SUMF1: variants seen among roughly 807,000 people sequenced by gnomAD.
SUMF1 encodes formylglycine-generating enzyme.
In SUMF1, 48 loss-of-function variants were observed where a neutral mutation model predicts 47.6. The ratio of observed to expected loss-of-function variants is 1.01; its 90% CI spans 0.80 to 1.28. The LOEUF (loss-of-function observed/expected upper bound fraction) is 1.28. Ranked by LOEUF, SUMF1 falls within the 50% of genes most tolerant of loss-of-function variation. The pLI is 0.00. For missense variants in SUMF1, 571 were observed against 485.4 expected (o/e 1.18, Z -1.66); for synonymous variants, 230 against 192.1 (o/e 1.20, Z -1.63).
At chr3:4,457,934 C>A (rs920517321) in intron 1 of SUMF1, among the ~76,000 whole-genome samples, 3 of 152,122 alleles carry the variant, frequency 2.0e-5, no homozygotes, top group Non-Finnish European at 4.4e-5. Context: ...GCAAAGGAAA[C>A]AACAGAGTGA....
intron 8 of SUMF1, among the ~76,000 whole-genome samples, chr3:4,183,272 C>CA (rs1284921535): frequency 5.3e-5 from 8 of 151,998 alleles, no homozygotes; most frequent in Non-Finnish European, 8.8e-5. Context: ...TAAAGTAAAA[C>CA]AAAAAATAGT....
intron 8 of SUMF1, among the ~76,000 whole-genome samples, chr3:4,127,750 C>T (rs529044885): frequency 6.6e-6 from 1 of 152,056 alleles, no homozygotes; most frequent in Non-Finnish European, 1.5e-5. Context: ...GACTTTGGTA[C>T]CAGGAGTATT....
intron 8 of SUMF1, among the ~76,000 whole-genome samples, chr3:4,327,027 A>C (rs1698960335): frequency 6.6e-6 from 1 of 152,234 alleles, no homozygotes; most frequent in Non-Finnish European, 1.5e-5. Flanking sequence ...AATAGTTTCT[A>C]AATTCTGGAG....
rs547751893 is a variant in SUMF1 at position 4,324,111 on chromosome 3, A to T, written c.1014+52219T>A. Among the ~76,000 whole-genome samples, 26 of 152,288 alleles carry T rather than the reference A, an allele frequency of 1.7e-4. No homozygotes were observed. The South Asian group carries it at 5.4e-3, about 32-fold the overall frequency. On this transcript the variant is annotated intron_variant and NMD_transcript_variant, in intron 8 of 12. Transcript: ENST00000448413. ...AAGATTTTTTGTTTTCTGCAATAATAATTTACCAAATGTGGCCCCATTAGA... is the reference window on the plus strand; with the variant it reads ...AAGATTTTTTGTTTTCTGCAATAATTATTTACCAAATGTGGCCCCATTAGA...
Position 4,347,426 on chromosome 3 carries a change from C to CA in SUMF1, c.1014+28903dup, listed in dbSNP as rs370143306. Reference sequence around the variant, plus strand: ...TCCATTACATAAACAGAACCAATGACAAAACCACATGATTATCTCAATAGA... The same window carrying CA: ...TCCATTACATAAACAGAACCAATGACAAAAACCACATGATTATCTCAATAGA... On this transcript the variant is annotated intron_variant and NMD_transcript_variant, in intron 8 of 12. Transcript: ENST00000448413. 4.8e-3 allele frequency among the ~76,000 whole-genome samples: 733 copies of CA among 152,194 alleles called. 7 individuals are homozygous for CA. Among genetic ancestry groups the CA allele is most frequent in the African/African-American group, 0.017 (707 of 41,522 alleles).
intron 3 of SUMF1, among the ~76,000 whole-genome samples, chr3:4,437,667 G>A (rs1702445085): frequency 6.6e-6 from 1 of 152,140 alleles, no homozygotes; most frequent in African/African-American, 2.4e-5. Context: ...GGCTGGGCAC[G>A]GTGGCTCACA....
chr3:4,122,932 A>G (rs1268123020), intron 8 of SUMF1, among the ~76,000 whole-genome samples: 2 of 152,174 alleles, frequency 1.3e-5, no homozygotes, highest in Admixed American at 1.3e-4. Context: ...ACTGGGGGAC[A>G]GTGGATATGT....
At chr3:4,258,001 A>G (rs1296879377) in intron 8 of SUMF1, among the ~76,000 whole-genome samples, 1 of 152,112 alleles carries the variant, frequency 6.6e-6, no homozygotes, top group Non-Finnish European at 1.5e-5. Context: ...GACAAAAACA[A>G]GCAATGGGGA....
At chr3:4,234,430 C>A (rs1696365860) in intron 8 of SUMF1, among the ~76,000 whole-genome samples, 1 of 152,008 alleles carries the variant, frequency 6.6e-6, no homozygotes, top group African/African-American at 2.4e-5. Flanking sequence ...GTTTTATCCT[C>A]CCTCAGACTT....
chr3:4,367,060 C>T (rs2125192612), intron 8 of SUMF1, among the ~76,000 whole-genome samples: 1 of 152,230 alleles, frequency 6.6e-6, no homozygotes, highest in South Asian at 2.1e-4. Context: ...ATGCTGCTGT[C>T]TGATTGTTCC....
chr3:4,076,416 T>C (rs371089993), intron 8 of SUMF1, among the ~76,000 whole-genome samples: 27 of 152,100 alleles, frequency 1.8e-4, no homozygotes, highest in African/African-American at 6.3e-4. Flanking sequence ...GGCAATACCA[T>C]TCAGGACATA....
intron 8 of SUMF1, 128 bp from the exon 9 acceptor site, chr3:4,362,382 C>T (rs1016758162): frequency 2.6e-6 from 2 of 759,312 alleles, no homozygotes; most frequent in Admixed American, 2.0e-5. Flanking sequence ...GGATACTTAA[C>T]ATGTATGCTT....
chr3:4,372,069 A>G (rs1700185338), intron 8 of SUMF1, among the ~76,000 whole-genome samples: 1 of 152,200 alleles, frequency 6.6e-6, no homozygotes, highest in African/African-American at 2.4e-5. Context: ...GCACTTTGGG[A>G]GGCCAAGGCG....
At chr3:4,211,226 A>ATATATATATATC (rs1457657885) in intron 8 of SUMF1, among the ~76,000 whole-genome samples, 1 of 136,910 alleles carries the variant, frequency 7.3e-6, no homozygotes, top group South Asian at 2.3e-4. Context: ...ATATATATAT[A>ATATATATATATC]TCCTATTAGT....
intron 8 of SUMF1, among the ~76,000 whole-genome samples, chr3:4,286,363 A>C (rs1186293456): frequency 6.6e-6 from 1 of 152,182 alleles, no homozygotes; most frequent in African/African-American, 2.4e-5. Flanking sequence ...TTAACAAAGA[A>C]GCAAGGCTGG....
intron 3 of SUMF1, among the ~76,000 whole-genome samples, chr3:4,437,715 G>GA (rs1403268117): frequency 1.3e-5 from 2 of 152,148 alleles, no homozygotes; most frequent in African/African-American, 4.8e-5. Flanking sequence ...GAGGTAGGGG[G>GA]ATCACTTGAG....
chr3:4,220,938 G>A (rs770736148), intron 8 of SUMF1, among the ~76,000 whole-genome samples: 53 of 152,114 alleles, frequency 3.5e-4, no homozygotes, highest in Non-Finnish European at 2.4e-4. Flanking sequence ...CTAAGAGTGT[G>A]CACCAGAGTC....
At chr3:4,303,592 G>C (rs1285096551) in intron 8 of SUMF1, 1 of 1,374,466 alleles carries the variant, frequency 7.3e-7, no homozygotes. Context: ...TCCTCAAGCC[G>C]CCTCGCTGGG....
At chr3:4,274,889 A>G (rs1242220667) in intron 8 of SUMF1, among the ~76,000 whole-genome samples, 1 of 152,194 alleles carries the variant, frequency 6.6e-6, no homozygotes, top group South Asian at 2.1e-4. Context: ...AATATTTATT[A>G]CGGAATAACA....
Sources: gnomAD v4.1 joint callset for allele counts (sites outside exome capture counted in the v4.1 genomes callset) on GRCh38, gnomAD v4.1.1 for gene constraint, MANE v1.5 for transcripts, NCBI Gene and HGNC (gene_info 2026-07-23, HGNC 2026-07-21) for gene names.